Variants in CPS1 observed in about 807,000 individuals in gnomAD.
CPS1 encodes carbamoyl-phosphate synthase [ammonia], mitochondrial.
CPS1 carries 109 observed loss-of-function variants against 174.6 expected under a neutral mutation model. The ratio of observed to expected loss-of-function variants is 0.62; its 90% CI spans 0.53 to 0.73. The LOEUF is 0.73. CPS1 is among the 30% of genes least tolerant of loss of function. The pLI is 0.00. For missense variants in CPS1, 1,689 were observed against 1,821.9 expected (o/e 0.93, Z 1.33); for synonymous variants, 637 against 632.0 (o/e 1.01, Z -0.12).
At chr2:210,677,842 C>T in intron 37 of CPS1, 45 bp from the exon 38 acceptor site, 1 of 1,427,140 alleles carries the variant, frequency 7.0e-7, no homozygotes, top group Non-Finnish European at 9.9e-7. Flanking sequence ...TAAAAATTCA[C>T]TTTTATCTCA....
intron 1 of CPS1, among the ~76,000 whole-genome samples, chr2:210,568,980 T>C (rs986008196): frequency 5.9e-5 from 9 of 152,070 alleles, no homozygotes; most frequent in African/African-American, 2.2e-4. Flanking sequence ...ACTATAACTT[T>C]TCCTCTCTTA....
At chr2:210,535,072 C>A (rs1041223247) in intron 1 of CPS1, among the ~76,000 whole-genome samples, 1 of 152,218 alleles carries the variant, frequency 6.6e-6, no homozygotes, top group Non-Finnish European at 1.5e-5. Context: ...CGGCAACAGG[C>A]CCACTGAGCA....
chr2:210,513,377 G>A (rs1371548288), intron 1 of CPS1, among the ~76,000 whole-genome samples: 1 of 151,668 alleles, frequency 6.6e-6, no homozygotes, highest in Non-Finnish European at 1.5e-5. Context: ...CATTCCTACT[G>A]GTGTGAGATG....
At chr2:210,586,781 C>T (rs1175146582) in intron 6 of CPS1, among the ~76,000 whole-genome samples, 2 of 151,968 alleles carry the variant, frequency 1.3e-5, no homozygotes, top group South Asian at 4.2e-4. Context: ...AATGTCAGTG[C>T]AATTAAATAA....
intron 1 of CPS1, among the ~76,000 whole-genome samples, chr2:210,515,786 T>C (rs1471760309): frequency 1.3e-5 from 2 of 151,930 alleles, no homozygotes; most frequent in Non-Finnish European, 2.9e-5. Flanking sequence ...GTAGGTGTGA[T>C]GTTAGATCGT....
rs1223003150 is a variant in CPS1, at chr2:210,590,239, A to G, written c.840+5A>G. 1.9e-6 allele frequency: 3 copies of G among 1,612,506 alleles called. No individual in the cohort carries two copies. The highest frequency in any genetic ancestry group is 8.5e-7 in the Non-Finnish European group (1 of 1,178,940). On this transcript the variant is annotated splice_donor_5th_base_variant and intron_variant, in intron 8 of 37. Coordinates refer to ENST00000233072, the MANE Select transcript of CPS1 (RefSeq NM_001875.5). ...CTAATTCAGAATGTCAGAAAGGTGC[A>G]ATGAACCTTGAATTCATGTGTATCT...
chr2:210,515,882 A>G (rs2105981840), intron 1 of CPS1, among the ~76,000 whole-genome samples: 1 of 151,804 alleles, frequency 6.6e-6, no homozygotes, highest in East Asian at 1.9e-4. Flanking sequence ...CATCACAGAG[A>G]TTTTGCTATG....
chr2:210,582,735 T>A, intron 6 of CPS1, 26 bp downstream of exon 6: 1 of 1,536,488 alleles, frequency 6.5e-7, no homozygotes, highest in Non-Finnish European at 9.0e-7. Flanking sequence ...TTATATTTTG[T>A]AGTTTTATTT....
In CPS1 at chr2:210,605,256, G is replaced by T. The variant is rs773319112; in HGVS notation, c.1981+10G>T. 1 of 1,611,634 alleles carries T rather than the reference G, an allele frequency of 6.2e-7. No individual in the cohort carries two copies. Among genetic ancestry groups the T allele is most frequent in the Non-Finnish European group, 8.5e-7 (1 of 1,178,376 alleles). On this transcript the variant is annotated intron_variant, in intron 17 of 37. Transcript: ENST00000233072. ...ATGGGTGTTCACACAGGTAGGCAAAGTATCTTCAAGAACTATAGTAATGCT... is the reference window on the plus strand; with the variant it reads ...ATGGGTGTTCACACAGGTAGGCAAATTATCTTCAAGAACTATAGTAATGCT...
At chr2:210,554,766 AAAAAG>A (rs202037498), upstream of CPS1, among the ~76,000 whole-genome samples, 1,166 of 151,828 alleles carry the variant, frequency 7.7e-3, 16 homozygotes, top group African/African-American at 0.027. Context: ...AAAAAAACTT[AAAAAG>A]AAAAGTTTCC....
chr2:210,559,064 C>T (rs896889015), intron 1 of CPS1, among the ~76,000 whole-genome samples: 3 of 152,034 alleles, frequency 2.0e-5, no homozygotes, highest in Non-Finnish European at 4.4e-5. Context: ...TGAAATAGTC[C>T]TCTATCTACT....
intron 14 of CPS1, among the ~76,000 whole-genome samples, chr2:210,600,090 A>G (rs529175611): frequency 2.6e-5 from 4 of 151,680 alleles, no homozygotes; most frequent in Non-Finnish European, 5.9e-5. Flanking sequence ...TGGGTAAGCA[A>G]TTGGTGATAT....
At chr2:210,593,246 G>A (rs1698370826) in intron 11 of CPS1, 12 of 700,852 alleles carry the variant, frequency 1.7e-5, no homozygotes, top group Non-Finnish European at 2.5e-5. Context: ...TACAATTGTT[G>A]TACTATGCAA....
intron 34 of CPS1, chr2:210,672,758 A>G (rs2105939009): frequency 6.6e-6 from 1 of 152,270 alleles, no homozygotes; most frequent in Non-Finnish European, 1.5e-5. Context: ...GTTAAAATTC[A>G]TGTTCTATAA....
chr2:210,674,118 A>G (rs1335052887), intron 34 of CPS1: 1 of 152,204 alleles, frequency 6.6e-6, no homozygotes, highest in Non-Finnish European at 1.5e-5. Context: ...GGACTAGTGC[A>G]TAAGCTACTA....
At chr2:210,505,421 G>A (rs1026934962) in intron 1 of CPS1, among the ~76,000 whole-genome samples, 2 of 152,024 alleles carry the variant, frequency 1.3e-5, no homozygotes, top group Non-Finnish European at 2.9e-5. Context: ...AGCAGAATCG[G>A]GCCAAATAGG....
chr2:210,656,665 A>G, intron 30 of CPS1, 33 bp downstream of exon 30: 1 of 1,508,780 alleles, frequency 6.6e-7, no homozygotes, highest in Non-Finnish European at 9.2e-7. Flanking sequence ...GGAAGGGAAA[A>G]GGCAACACTC....
chr2:210,590,273 G>C, intron 8 of CPS1, 39 bp downstream of exon 8: 1 of 1,611,892 alleles, frequency 6.2e-7, no homozygotes, highest in Non-Finnish European at 8.5e-7. Flanking sequence ...CTGTGTGGGA[G>C]GTGGGGGCTT....
chr2:210,532,100 G>GT (rs1383978642), intron 1 of CPS1, among the ~76,000 whole-genome samples: 1 of 151,972 alleles, frequency 6.6e-6, no homozygotes, highest in Non-Finnish European at 1.5e-5. Context: ...CTGCATCATG[G>GT]TTTTTTTATT....
Sources: gnomAD v4.1 joint callset for allele counts (sites outside exome capture counted in the v4.1 genomes callset) on GRCh38, gnomAD v4.1.1 for gene constraint, MANE v1.5 for transcripts, NCBI Gene and HGNC (gene_info 2026-07-23, HGNC 2026-07-21) for gene names.